Variants in MED13L observed in about 807,000 individuals in gnomAD.
MED13L encodes mediator complex subunit 13L, also known as mediator of RNA polymerase II transcription subunit 13-like.
MED13L carries 7 observed loss-of-function variants against 220.9 expected under a neutral mutation model. The observed-to-expected ratio is 0.03, with a 90% CI of 0.02 to 0.06. The LOEUF (loss-of-function observed/expected upper bound fraction) is 0.06. Ranked by LOEUF, MED13L falls within the 10% of genes least tolerant of loss-of-function variation. The probability of loss-of-function intolerance (pLI) is 1.00; values close to 1 mark genes in which losing one functional copy is unlikely to be tolerated. For synonymous variants in MED13L, 1,011 were observed against 1,015.2 expected, an observed-to-expected ratio of 1.00 and a Z score of 0.08; for missense variants, 1,965 against 2,760.5, an observed-to-expected ratio of 0.71 and a Z score of 6.46.
chr12:115,960,313 G>A lies in MED13L; in HGVS notation c.*953C>T, dbSNP rs1220705965. 5 of 152,578 alleles carry A rather than the reference G, an allele frequency of 3.3e-5. No individual in the cohort carries two copies. Among genetic ancestry groups the A allele is most frequent in the Non-Finnish European group, 5.9e-5 (4 of 68,034 alleles). 9.5% of individuals were successfully genotyped at this position (152,578 alleles called of 1,614,324 possible). A position where few individuals can be genotyped will look rare whatever the true frequency, so the allele number is the denominator to read the frequency against. The stretch of plus-strand genomic sequence containing the variant: ...AGAATTCACTAGAAAATATATTTCC[G>A]TTGTGACTATATAAAACTAATTAAG... On this transcript the variant is annotated 3_prime_UTR_variant, in exon 31 of 31. Transcript: ENST00000281928.
At chr12:116,253,981 G>A (rs1028336982) in intron 1 of MED13L, among the ~76,000 whole-genome samples, 4 of 151,702 alleles carry the variant, frequency 2.6e-5, no homozygotes, top group African/African-American at 9.7e-5. Flanking sequence ...GGCTGGTCTC[G>A]AACCCCTGAC....
chr12:116,047,867 G>C (rs1347307800), intron 4 of MED13L, among the ~76,000 whole-genome samples: 2 of 152,134 alleles, frequency 1.3e-5, no homozygotes, highest in African/African-American at 2.4e-5. Flanking sequence ...CTTCCCTCTT[G>C]TTTTCTCTTT....
intron 27 of MED13L, among the ~76,000 whole-genome samples, chr12:115,969,299 G>C (rs1458043146): frequency 6.6e-6 from 1 of 152,094 alleles, no homozygotes; most frequent in African/African-American, 2.4e-5. Context: ...TCTCTCCAAT[G>C]ATCTCCTTAT....
intron 2 of MED13L, among the ~76,000 whole-genome samples, chr12:116,140,544 T>A (rs1416789464): frequency 6.6e-6 from 1 of 152,206 alleles, no homozygotes; most frequent in African/African-American, 2.4e-5. Flanking sequence ...TCTCATGAAA[T>A]GTTGCTATCT....
intron 14 of MED13L, among the ~76,000 whole-genome samples, chr12:116,000,627 T>G (rs905907428): frequency 4.6e-5 from 7 of 152,212 alleles, no homozygotes; most frequent in African/African-American, 1.7e-4. Context: ...CTTTTGTCTA[T>G]TCAAAGACTC....
rs1880814664 is a variant in MED13L, at chr12:116,031,738, AAGAAAAGAAAAGAAAAGAAAAGAAGGAAG to A, written c.480-9166_480-9138del. On this transcript the variant is annotated intron_variant, in intron 4 of 30. Transcript: ENST00000281928. ...AAGAAAAGAAAAGAAAAGAAAAGAA[AAGAAAAGAAAAGAAAAGAAAAGAAGGAAG>A]GAAGGAAGGAAGGAAGGAAGGAAGG... Among the ~76,000 whole-genome samples the A allele has an allele frequency of 1.4e-4, 10 of 71,778 alleles. 1 individual carries two copies. Among genetic ancestry groups the A allele is most frequent in the African/African-American group, 3.5e-4 (4 of 11,420 alleles). 47.1% of individuals were successfully genotyped at this position (71,778 alleles called of 152,430 possible).
At chr12:116,067,884 G>A (rs1460054724) in intron 4 of MED13L, among the ~76,000 whole-genome samples, 2 of 152,152 alleles carry the variant, frequency 1.3e-5, no homozygotes, top group Non-Finnish European at 2.9e-5. Flanking sequence ...ACTCAATAAA[G>A]GACAACAAAG....
At chr12:116,042,145 T>C (rs1218304035) in intron 4 of MED13L, among the ~76,000 whole-genome samples, 2 of 152,220 alleles carry the variant, frequency 1.3e-5, no homozygotes, top group African/African-American at 2.4e-5. Flanking sequence ...CAATACTTCA[T>C]AGTATACCAG....
chr12:115,975,872 C>T, intron 23 of MED13L, 134 bp from the exon 24 acceptor site: 2 of 775,912 alleles, frequency 2.6e-6, no homozygotes, highest in Admixed American at 2.0e-5. Flanking sequence ...CTCTCCAGTA[C>T]TAGAGACACA....
At chr12:115,981,701 G>A (rs1455544688) in intron 22 of MED13L, among the ~76,000 whole-genome samples, 3 of 152,116 alleles carry the variant, frequency 2.0e-5, no homozygotes, top group East Asian at 3.8e-4. Flanking sequence ...AAGAAGTGGA[G>A]ATATAGGAAT....
At chr12:116,024,256 C>T (rs1479990455) in intron 4 of MED13L, among the ~76,000 whole-genome samples, 2 of 152,160 alleles carry the variant, frequency 1.3e-5, no homozygotes, top group East Asian at 3.9e-4. Context: ...AAAACACAGT[C>T]CTTGCCCTCA....
At chr12:116,165,926 G>T (rs767371528) in intron 2 of MED13L, among the ~76,000 whole-genome samples, 12 of 152,084 alleles carry the variant, frequency 7.9e-5, no homozygotes, top group Non-Finnish European at 1.3e-4. Context: ...CAGCTGCATT[G>T]GTCTTTCGTT....
chr12:116,060,558 C>T (rs1223418270), intron 4 of MED13L, among the ~76,000 whole-genome samples: 8 of 141,580 alleles, frequency 5.7e-5, no homozygotes, highest in African/African-American at 1.3e-4. Flanking sequence ...CCAGCCTGGG[C>T]GACAGAGCAA....
At chr12:116,136,970 C>G (rs191178966) in intron 2 of MED13L, among the ~76,000 whole-genome samples, 1 of 152,152 alleles carries the variant, frequency 6.6e-6, no homozygotes, top group Non-Finnish European at 1.5e-5. Flanking sequence ...TGAGGTAAAT[C>G]ATCAGTAAAA....
At chr12:116,013,889 T>C (rs1216817620) in intron 8 of MED13L, among the ~76,000 whole-genome samples, 2 of 151,752 alleles carry the variant, frequency 1.3e-5, no homozygotes, top group Admixed American at 6.5e-5. Flanking sequence ...AAAGGGACTA[T>C]GATCTGTTAA....
chr12:116,098,660 T>G (rs950809022), intron 3 of MED13L, among the ~76,000 whole-genome samples: 5 of 152,188 alleles, frequency 3.3e-5, no homozygotes, highest in African/African-American at 1.2e-4. Flanking sequence ...AAAAAGTCAC[T>G]GGGCTCCACT....
intron 2 of MED13L, among the ~76,000 whole-genome samples, chr12:116,126,333 T>C (rs1875585912): frequency 6.6e-6 from 1 of 152,202 alleles, no homozygotes; most frequent in Non-Finnish European, 1.5e-5. Flanking sequence ...GCATTTTGGT[T>C]GCAAAGTTAA....
chr12:116,104,495 C>G (rs892676542), intron 3 of MED13L, among the ~76,000 whole-genome samples: 1 of 152,162 alleles, frequency 6.6e-6, no homozygotes, highest in Admixed American at 6.5e-5. Context: ...TCTTGGCAAA[C>G]AGAGCAGCTC....
chr12:116,162,557 G>C (rs1334088729), intron 2 of MED13L, among the ~76,000 whole-genome samples: 1 of 152,116 alleles, frequency 6.6e-6, no homozygotes, highest in Non-Finnish European at 1.5e-5. Flanking sequence ...AATCTTTCAG[G>C]CCCAAAGACA....
Sources: allele counts gnomAD v4.1 joint callset (sites outside exome capture counted in the v4.1 genomes callset), GRCh38; gene constraint gnomAD v4.1.1; transcripts MANE v1.5; gene names NCBI Gene and HGNC (gene_info 2026-07-23, HGNC 2026-07-21).